The following ELOVL1 variants were observed in gnomAD, a reference collection of about 807,000 sequenced individuals.
The protein encoded by ELOVL1 is ELOVL fatty acid elongase 1.
In ELOVL1, 10 loss-of-function variants were observed where a neutral mutation model predicts 37.8. That is an observed-to-expected ratio of 0.26 (90% CI 0.16 to 0.45). The LOEUF is 0.45. ELOVL1 is among the 20% of genes least tolerant of loss of function. The pLI is 1.00. For synonymous variants in ELOVL1, 133 were observed against 123.8 expected (o/e 1.07, Z -0.49); for missense variants, 256 against 352.7 (o/e 0.73, Z 2.20).
In ELOVL1 at chr1:43,363,979, C is replaced by T. The variant is rs772035589; in HGVS notation, c.777G>A (p.Lys259=). The T allele has an allele frequency of 4.5e-5, 72 of 1,614,072 alleles. No individual in the cohort carries two copies. Among genetic ancestry groups the T allele is most frequent in the Non-Finnish European group, 3.9e-5 (46 of 1,180,056 alleles). Residue 259 remains lysine, a synonymous_variant, in exon 8 of 8, where the codon AAG becomes AAA. Coordinates refer to ENST00000372458, the MANE Select transcript of ELOVL1 (RefSeq NM_022821.4). ...NFWYHSYTKG[K]RLPRALQQNG... ...TTTGCTGAAGTGCACGGGGCAGCCG[C>T]TTGCCCTTGGTATAAGAGTGATACC...
rs760582504 is a variant in ELOVL1, at chr1:43,364,890, A to G, written c.318+38T>C. 1 of 1,613,938 alleles carries G rather than the reference A, an allele frequency of 6.2e-7. No individual in the cohort carries two copies. The highest frequency in any genetic ancestry group is 1.7e-5 in the Admixed American group (1 of 59,990). On this transcript the variant is annotated intron_variant, in intron 4 of 7. Coordinates refer to ENST00000372458, the MANE Select transcript of ELOVL1 (RefSeq NM_022821.4). This position sits in a 1 kb window ranked among gnomAD's most constrained non-coding sequence, Gnocchi z 5.2. The stretch of plus-strand genomic sequence containing the variant: ...CACAGGCCCCAAACTGGTCATATCT[A>G]CCAGGTTGCTTATGACCTAGCCCCA...
Position 43,364,170 on chromosome 1 carries a change from T to C in ELOVL1, c.619-33A>G. 4 of 1,612,498 alleles carry C rather than the reference T, an allele frequency of 2.5e-6. No homozygotes were observed. Among genetic ancestry groups the C allele is most frequent in the Non-Finnish European group, 3.4e-6 (4 of 1,179,004 alleles). On this transcript the variant is annotated intron_variant, in intron 7 of 7. Transcript: ENST00000372458. The surrounding 1 kb of genome is among the most constrained non-coding windows in gnomAD (Gnocchi z 5.2). Reference sequence around the variant, plus strand: ...AGAGAAAGACCAGGGTCAGAGGGAATAGTGAGAGGACTAGAGGGGAAGAGG... The same window carrying C: ...AGAGAAAGACCAGGGTCAGAGGGAACAGTGAGAGGACTAGAGGGGAAGAGG...
At position 43,364,928 on chromosome 1, in the gene ELOVL1, C is replaced by T. The variant is rs1002036851; in HGVS notation, c.318G>A (p.Arg106=). 2.5e-6 allele frequency: 4 copies of T among 1,613,878 alleles called. No individual in the cohort carries two copies. The highest frequency in any genetic ancestry group is 4.5e-5 in the East Asian group (2 of 44,880). ...TGACCTAGCCCCAGCCCCTACTTAC[C>T]CTAAGTGCCTCAGGGCTGTTGGAAT... ...VDYSNSPEAL[R]MVRVAWLFLF... The change falls in exon 4 of 8, where the codon AGG becomes AGA. Residue 106 remains arginine, a splice_region_variant and synonymous_variant. Transcript: ENST00000372458. The surrounding 1 kb of genome is among the most constrained non-coding windows in gnomAD (Gnocchi z 5.2).
chr1:43,364,672 A>T lies in ELOVL1; in HGVS notation c.376-25T>A. On this transcript the variant is annotated intron_variant, in intron 5 of 7. Coordinates refer to ENST00000372458, the MANE Select transcript of ELOVL1 (RefSeq NM_022821.4). The surrounding 1 kb of genome is among the most constrained non-coding windows in gnomAD (Gnocchi z 5.2). Reference sequence around the variant, plus strand: ...CCTGAGAGAAGAGTGAGGGAAGGGGATTCAGAACCTGGGCTTCTCCACCTC... The same window carrying T: ...CCTGAGAGAAGAGTGAGGGAAGGGGTTTCAGAACCTGGGCTTCTCCACCTC... 6.2e-7 allele frequency: 1 copy of T among 1,614,100 alleles called. No individual in the cohort carries two copies. The highest frequency in any genetic ancestry group is 8.5e-7 in the Non-Finnish European group (1 of 1,179,970).
At position 43,363,832 on chromosome 1, in the gene ELOVL1, T is replaced by G. The variant is rs1647189015; in HGVS notation, c.*84A>C. The G allele has an allele frequency of 1.6e-6, 2 of 1,253,630 alleles. No homozygotes were observed. Among genetic ancestry groups the G allele is most frequent in the Non-Finnish European group, 1.2e-6 (1 of 865,046 alleles). The allele number at this position is 1,253,630 out of a possible 1,614,324, so 77.7% of individuals were successfully genotyped here. A position where few individuals can be genotyped will look rare whatever the true frequency, so the allele number is the denominator to read the frequency against. The stretch of plus-strand genomic sequence containing the variant: ...TGACCACATAAGCCTTGGTCACAGG[T>G]GTAGGTGGAGAGGGCACTGACGGAC... On this transcript the variant is annotated 3_prime_UTR_variant, in exon 8 of 8. Transcript: ENST00000372458.
intron 1 of ELOVL1, chr1:43,366,350 G>GC (rs1647236049): frequency 6.5e-6 from 1 of 154,588 alleles, no homozygotes; most frequent in African/African-American, 2.4e-5. Context: ...TGAGACTCCT[G>GC]CCCCGGCGGC....
At position 43,363,917 on chromosome 1, in the gene ELOVL1, C is replaced by T. The variant is rs1647190183; in HGVS notation, c.839G>A (p.Ter280=). ...GGGCGCCTATCTAGGCCATGCTTCT[C>T]AGTTGGCCTTGACCTTGGCAATACC... ...APGIAKVKAN[*] Residue 280 remains the stop codon, a stop_retained_variant, in exon 8 of 8, where the codon TGA becomes TAA. Transcript: ENST00000372458. The T allele has an allele frequency of 1.2e-6, 2 of 1,612,712 alleles. No homozygotes were observed. Among genetic ancestry groups the T allele is most frequent in the South Asian group, 1.1e-5 (1 of 90,978 alleles).
chr1:43,365,402 G>A, intron 2 of ELOVL1, 26 bp from the exon 3 acceptor site: 1 of 1,609,754 alleles, frequency 6.2e-7, no homozygotes, highest in Non-Finnish European at 8.5e-7. Flanking sequence ...AAAGGAATCA[G>A]GAAGAGTCAC....
intron 1 of ELOVL1, chr1:43,367,502 G>A (rs752804840): frequency 6.6e-6 from 1 of 152,482 alleles, no homozygotes; most frequent in African/African-American, 2.4e-5. Flanking sequence ...GGCCAGGAGG[G>A]ACCAAGGCTC....
In ELOVL1 at chr1:43,364,044, T is replaced by C; in HGVS notation, c.712A>G (p.Met238Val). 6.2e-7 allele frequency: 1 copy of C among 1,614,136 alleles called. No homozygotes were observed. ...AGCATGAAGAAGATGGTGCCATACA[T>C]CCAGATGAGGTGAATAATGACTGGG... ...QYPVIIHLIW[M>V]YGTIFFMLFS... is the part of the protein sequence containing the mutation. Residue 238 changes from methionine to valine, a missense_variant, in exon 8 of 8, where the codon ATG (methionine) becomes GTG (valine). Met to Val is a conservative substitution (Grantham distance 21, BLOSUM62 1). Coordinates refer to ENST00000372458, the MANE Select transcript of ELOVL1 (RefSeq NM_022821.4). The surrounding 1 kb of genome is among the most constrained non-coding windows in gnomAD (Gnocchi z 5.2).
In ELOVL1 at chr1:43,364,091, A is replaced by G; in HGVS notation, c.665T>C (p.Met222Thr). 5 of 1,614,208 alleles carry G rather than the reference A, an allele frequency of 3.1e-6. No homozygotes were observed. The highest frequency in any genetic ancestry group is 4.2e-6 in the Non-Finnish European group (5 of 1,180,028). Residue 222 changes from methionine to threonine, a missense_variant, in exon 8 of 8, where the codon ATG becomes ACG. This residue lies in a region of ELOVL1 where 59 missense variants were observed against 73.3 expected (regional missense o/e 0.80). Transcript: ENST00000372458. The surrounding 1 kb of genome is among the most constrained non-coding windows in gnomAD (Gnocchi z 5.2). The part of the protein sequence containing the change: ...VSLHISQYYF[M>T]SSCNYQYPVI... ...TGGGTACTGGTAGTTACAGCTGGACATAAAGTAGTACTGGGAGATGTGCAG... is the reference window on the plus strand; with the variant it reads ...TGGGTACTGGTAGTTACAGCTGGACGTAAAGTAGTACTGGGAGATGTGCAG...
At chr1:43,366,846 G>C (rs1647253596) in intron 1 of ELOVL1, among the ~76,000 whole-genome samples, 1 of 152,026 alleles carries the variant, frequency 6.6e-6, no homozygotes, top group Non-Finnish European at 1.5e-5. Context: ...GGAATGTCGG[G>C]GGAAGGCTCC....
intron 1 of ELOVL1, among the ~76,000 whole-genome samples, chr1:43,366,868 A>G (rs1231720585): frequency 6.6e-6 from 1 of 151,892 alleles, no homozygotes; most frequent in African/African-American, 2.4e-5. Context: ...AGGGACACAA[A>G]AGCCTCTGGC....
At position 43,364,840 on chromosome 1, in the gene ELOVL1, GA is replaced by G. The variant is rs1212767649; in HGVS notation, c.319-47del. 20 of 1,614,006 alleles carry G rather than the reference GA, an allele frequency of 1.2e-5. No individual in the cohort carries two copies. Among genetic ancestry groups the G allele is most frequent in the Non-Finnish European group, 1.7e-5 (20 of 1,180,016 alleles). On this transcript the variant is annotated intron_variant, in intron 4 of 7. Coordinates refer to ENST00000372458, the MANE Select transcript of ELOVL1 (RefSeq NM_022821.4). This position sits in a 1 kb window ranked among gnomAD's most constrained non-coding sequence, Gnocchi z 5.2. ...CTTAGGACCTCATACACTATTCTAA[GA>G]GCCTCCCTAAACTGGGCCTTGAGCA... is the stretch of plus-strand genomic sequence containing the variant.
At chr1:43,367,699 C>A in intron 1 of ELOVL1, 1 of 129,286 alleles carries the variant, frequency 7.7e-6, no homozygotes, top group Non-Finnish European at 1.7e-5. Context: ...GAGGAAGGCC[C>A]GGGTGTAGGC....
chr1:43,367,824 G>C (rs1292255308), intron 1 of ELOVL1, 91 bp downstream of exon 1: 1 of 152,820 alleles, frequency 6.5e-6, no homozygotes, highest in Non-Finnish European at 1.5e-5. Flanking sequence ...CACAGCCTGG[G>C]CAGGGCAGGG....
In ELOVL1 at chr1:43,365,250, A is replaced by G; in HGVS notation, c.173T>C (p.Leu58Pro). 1 of 1,614,212 alleles carries G rather than the reference A, an allele frequency of 6.2e-7. No homozygotes were observed. Among genetic ancestry groups the G allele is most frequent in the Non-Finnish European group, 8.5e-7 (1 of 1,180,042 alleles). ...GTTGTAGACAATCATGAAGCCACGG[A>G]GCTGGAAGGGCTTCCGATTAGCCAT... ...RIMANRKPFQ[L>P]RGFMIVYNFS... Residue 58 changes from leucine to proline, a missense_variant, in exon 3 of 8, where the codon CTC (leucine) becomes CCC (proline). By Grantham distance (98) the Leu-to-Pro change is moderately conservative. Transcript: ENST00000372458.
At position 43,365,231 on chromosome 1, in the gene ELOVL1, G is replaced by A; in HGVS notation, c.192C>T (p.Val64=). 1.2e-6 allele frequency: 2 copies of A among 1,614,208 alleles called. No individual in the cohort carries two copies. The highest frequency in any genetic ancestry group is 1.7e-6 in the Non-Finnish European group (2 of 1,180,040). ...AGAGTGCCACCAGTGAGAAGTTGTA[G>A]ACAATCATGAAGCCACGGAGCTGGA... ...KPFQLRGFMI[V]YNFSLVALSL... is the part of the protein sequence containing the mutation. The change falls in exon 3 of 8, where the codon GTC becomes GTT. Residue 64 remains valine (V), a synonymous_variant. Coordinates refer to ENST00000372458, the MANE Select transcript of ELOVL1 (RefSeq NM_022821.4).
rs1036870258 is a variant in ELOVL1 at position 43,365,734 on chromosome 1, G to A, written c.-14-111C>T. ...ACCTGCAATGCCTCATTGCAGAAAG[G>A]ACAGAACAGTGAAAGGAAGGAATTA... is the stretch of plus-strand genomic sequence containing the variant. On this transcript the variant is annotated intron_variant, in intron 1 of 7. Coordinates refer to ENST00000372458, the MANE Select transcript of ELOVL1 (RefSeq NM_022821.4). 9 of 1,146,120 alleles carry A rather than the reference G, an allele frequency of 7.9e-6. No individual in the cohort carries two copies. In the African/African-American group the frequency reaches 1.4e-4, roughly 18 times the overall value. 71.0% of individuals were successfully genotyped at this position (1,146,120 alleles called of 1,614,324 possible).
Sources: allele counts gnomAD v4.1 joint callset (sites outside exome capture counted in the v4.1 genomes callset), GRCh38; gene constraint gnomAD v4.1.1; regional missense constraint gnomAD v4.1.1; non-coding constraint Gnocchi (gnomAD v3.1); transcripts MANE v1.5; gene names NCBI Gene and HGNC (gene_info 2026-07-23, HGNC 2026-07-21).